Variants in TRPM3 observed in about 807,000 individuals in gnomAD.
TRPM3 encodes long transient receptor potential channel 3.
In TRPM3, 77 loss-of-function variants were observed where a neutral mutation model predicts 181.2. The observed-to-expected ratio is 0.42, with a 90% CI of 0.35 to 0.51. The LOEUF (loss-of-function observed/expected upper bound fraction) is 0.51, where lower values mean the gene tolerates loss of function less well. Among genes scored for constraint, TRPM3 ranks in the 20% least tolerant of loss-of-function variants. The pLI is 0.01. For synonymous variants in TRPM3, 745 were observed against 796.4 expected, an observed-to-expected ratio of 0.94 and a Z score of 1.09; for missense variants, 1,759 against 2,196.7, an observed-to-expected ratio of 0.80 and a Z score of 3.98.
intron 6 of TRPM3, among the ~76,000 whole-genome samples, chr9:70,809,634 A>G (rs145717651): frequency 6.6e-6 from 1 of 152,192 alleles, no homozygotes; most frequent in African/African-American, 2.4e-5. Context: ...CTAGGTTTGT[A>G]TAAGTACACT....
intron 6 of TRPM3, among the ~76,000 whole-genome samples, chr9:70,820,634 A>G (rs62547569): frequency 0.029 from 4,384 of 152,290 alleles, 90 homozygotes; most frequent in Middle Eastern, 0.058. Flanking sequence ...TAGACATGGC[A>G]CATGGCACTG....
At chr9:71,188,145 G>A (rs943850077) in intron 1 of TRPM3, among the ~76,000 whole-genome samples, 8 of 151,734 alleles carry the variant, frequency 5.3e-5, no homozygotes, top group Admixed American at 2.6e-4. Context: ...GGAAGGAGAC[G>A]TCCTAAATAA....
intron 1 of TRPM3, among the ~76,000 whole-genome samples, chr9:70,905,907 T>C (rs939897528): frequency 1.3e-5 from 2 of 152,230 alleles, no homozygotes; most frequent in East Asian, 3.9e-4. Context: ...CTGGCTATTT[T>C]TTACTTTTTT....
chr9:71,365,727 C>G (rs889204603), intron 1 of TRPM3, among the ~76,000 whole-genome samples: 8 of 152,100 alleles, frequency 5.3e-5, no homozygotes, highest in Non-Finnish European at 8.8e-5. Context: ...CCACCACTTC[C>G]TACTTATGTG....
rs139297917 is a variant in TRPM3, at chr9:71,197,139, C to A, written c.183+249514G>T. 2.8e-3 allele frequency among the ~76,000 whole-genome samples: 425 copies of A among 152,130 alleles called. 7 individuals carry two copies. In the East Asian group the frequency reaches 0.054, roughly 19 times the overall value. ...TGCGATGTTTGGTTTTTTGTCCTTG[C>A]GATAGTTTACGGAGAAGGATGATTC... On this transcript the variant is annotated intron_variant, in intron 1 of 24. Coordinates refer to the TRPM3 transcript ENST00000357533.
intron 1 of TRPM3, among the ~76,000 whole-genome samples, chr9:71,094,180 G>C (rs2066719860): frequency 6.6e-6 from 1 of 151,946 alleles, no homozygotes; most frequent in African/African-American, 2.4e-5. Context: ...GATAAGTGCA[G>C]CAAACCACCA....
chr9:70,910,140 T>C (rs1369612797), intron 1 of TRPM3, among the ~76,000 whole-genome samples: 1 of 152,194 alleles, frequency 6.6e-6, no homozygotes. Flanking sequence ...TAGTCTCAAA[T>C]TGGACACAAG....
intron 17 of TRPM3, among the ~76,000 whole-genome samples, chr9:70,618,401 T>C (rs2063116721): frequency 1.3e-5 from 2 of 152,370 alleles, no homozygotes; most frequent in South Asian, 4.1e-4. Flanking sequence ...GCTTTCCAAG[T>C]AGATCTATCT....
chr9:71,372,431 T>G (rs181193529), intron 1 of TRPM3, among the ~76,000 whole-genome samples: 1 of 152,344 alleles, frequency 6.6e-6, no homozygotes, highest in Non-Finnish European at 1.5e-5. Context: ...ATAGCTGAAC[T>G]AATTTACACT....
intron 1 of TRPM3, among the ~76,000 whole-genome samples, chr9:71,254,820 C>A (rs954243765): frequency 2.0e-5 from 3 of 151,066 alleles, no homozygotes; most frequent in South Asian, 4.2e-4. Context: ...GTGGTAAGGG[C>A]AAGGATAGAA....
At position 70,761,586 on chromosome 9, in the gene TRPM3, T is replaced by C. The variant is rs752259536; in HGVS notation, c.1272+15A>G. On this transcript the variant is annotated intron_variant, in intron 8 of 25. Coordinates refer to ENST00000677713, the MANE Select transcript of TRPM3 (RefSeq NM_001366145.2). ...AAATGTGGAGACAGCTGGCCACCCA[T>C]GCGGAATTACCTACCAATTCCTTCT... 1.2e-6 allele frequency: 2 copies of C among 1,613,942 alleles called. No individual in the cohort carries two copies. The highest frequency in any genetic ancestry group is 1.3e-5 in the African/African-American group (1 of 75,030).
intron 6 of TRPM3, among the ~76,000 whole-genome samples, chr9:70,802,589 T>A (rs1405766710): frequency 1.3e-5 from 2 of 152,160 alleles, no homozygotes; most frequent in African/African-American, 4.8e-5. Flanking sequence ...CTAACCAAGT[T>A]GGAAATCTGG....
chr9:71,174,689 A>T (rs554507664), intron 1 of TRPM3, among the ~76,000 whole-genome samples: 2 of 152,260 alleles, frequency 1.3e-5, no homozygotes, highest in Admixed American at 1.3e-4. Flanking sequence ...ACTTTTAAAA[A>T]CATTCATATT....
chr9:71,241,023 A>C (rs1251267318), intron 1 of TRPM3, among the ~76,000 whole-genome samples: 1 of 152,192 alleles, frequency 6.6e-6, no homozygotes, highest in Non-Finnish European at 1.5e-5. Flanking sequence ...TTTTGTTCCA[A>C]ATACATAAAA....
At chr9:71,337,239 AAAAC>A (rs755224466) in intron 1 of TRPM3, among the ~76,000 whole-genome samples, 59 of 152,340 alleles carry the variant, frequency 3.9e-4, no homozygotes, top group African/African-American at 1.2e-3. Context: ...TTACAAGAAA[AAAAC>A]AAACAACCCC....
chr9:70,648,084 A>G (rs941257823), intron 9 of TRPM3, among the ~76,000 whole-genome samples: 1 of 152,244 alleles, frequency 6.6e-6, no homozygotes, highest in Non-Finnish European at 1.5e-5. Context: ...GCTCATGGAT[A>G]GGAATTATTA....
intron 6 of TRPM3, among the ~76,000 whole-genome samples, chr9:70,822,810 T>C (rs1461384543): frequency 6.8e-6 from 1 of 147,442 alleles, no homozygotes; most frequent in Non-Finnish European, 1.5e-5. Context: ...CCAAAGTAAG[T>C]CCCCTGGTAT....
At chr9:71,266,693 T>C (rs1223524603) in intron 1 of TRPM3, among the ~76,000 whole-genome samples, 4 of 152,162 alleles carry the variant, frequency 2.6e-5, no homozygotes, top group African/African-American at 7.2e-5. Context: ...GTAGGCACAA[T>C]GGTGTACAGC....
At chr9:70,907,783 C>G (rs1407208362) in intron 1 of TRPM3, among the ~76,000 whole-genome samples, 1 of 152,160 alleles carries the variant, frequency 6.6e-6, no homozygotes, top group African/African-American at 2.4e-5. Flanking sequence ...TTAGCTCCCA[C>G]TTATAAGTGA....
Sources: allele counts gnomAD v4.1 joint callset (sites outside exome capture counted in the v4.1 genomes callset), GRCh38; gene constraint gnomAD v4.1.1; transcripts MANE v1.5; gene names NCBI Gene and HGNC (gene_info 2026-07-23, HGNC 2026-07-21).